Variants in EHMT1 observed in about 807,000 individuals in gnomAD.
EHMT1 encodes histone-lysine N-methyltransferase EHMT1.
Under a neutral mutation model 147.2 loss-of-function variants are expected in EHMT1, and 15 were observed. The ratio of observed to expected loss-of-function variants is 0.10; its 90% CI spans 0.07 to 0.16. EHMT1 has a LOEUF of 0.16. EHMT1 is among the 10% of genes least tolerant of loss of function. The pLI, the probability that EHMT1 is intolerant of heterozygous loss-of-function variation, is 1.00. For synonymous variants in EHMT1, 795 were observed against 709.6 expected (o/e 1.12, Z -1.91); for missense variants, 1,587 against 1,772.4 (o/e 0.90, Z 1.88).
chr9:137,672,932 T>C (rs1940849492), intron 1 of EHMT1, among the ~76,000 whole-genome samples: 1 of 152,224 alleles, frequency 6.6e-6, no homozygotes, highest in South Asian at 2.1e-4. Flanking sequence ...AATTTATTAA[T>C]ATTACTACTA....
At chr9:137,634,642 T>TA (rs1203711723) in intron 1 of EHMT1, among the ~76,000 whole-genome samples, 1 of 151,804 alleles carries the variant, frequency 6.6e-6, no homozygotes, top group Non-Finnish European at 1.5e-5. Flanking sequence ...TTTCTTTTTT[T>TA]TCAAGATTGG....
chr9:137,670,380 C>A (rs1207566520), intron 1 of EHMT1, among the ~76,000 whole-genome samples: 1 of 152,066 alleles, frequency 6.6e-6, no homozygotes, highest in Non-Finnish European at 1.5e-5. Context: ...TTGGCTAGTC[C>A]CCTCTCCTGC....
chr9:137,788,383 G>A, intron 15 of EHMT1: 1 of 323,888 alleles, frequency 3.1e-6, no homozygotes, highest in South Asian at 9.6e-5. Flanking sequence ...GCCTCAGCCG[G>A]GGTGACGCTC....
At position 137,817,465 on chromosome 9, in the gene EHMT1, G is replaced by A. The variant is rs373174786; in HGVS notation, c.3401G>A (p.Arg1134Gln). Residue 1134 changes from arginine (R) to glutamine (Q), a missense_variant, in exon 24 of 27, where the codon CGG (arginine) becomes CAG (glutamine). By Grantham distance (43) the Arg-to-Gln change is conservative. Around this residue, in one of 7 missense-constraint regions of EHMT1, gnomAD observed 156 missense variants for 252.5 expected, o/e 0.62. Transcript: ENST00000460843. ...LRARLQLYRTRDMGWGVRSLQ... is the reference protein window; with the variant it reads ...LRARLQLYRTQDMGWGVRSLQ... ...GCAAGGCTGCAGCTCTACCGGACGC[G>A]GGACATGGGCTGGGGCGTGCGGTCC... The A allele has an allele frequency of 4.2e-5, 68 of 1,614,060 alleles. No individual in the cohort carries two copies. In the Middle Eastern group the frequency reaches 4.9e-4, roughly 12 times the overall value.
intron 1 of EHMT1, chr9:137,676,509 G>A (rs935208817): frequency 6.6e-6 from 1 of 152,360 alleles, no homozygotes; most frequent in Non-Finnish European, 1.5e-5. Flanking sequence ...GGGACTACAG[G>A]TGTGTACCAC....
At chr9:137,820,426 A>G (rs1333451464) in intron 25 of EHMT1, among the ~76,000 whole-genome samples, 2 of 152,256 alleles carry the variant, frequency 1.3e-5, no homozygotes, top group Non-Finnish European at 2.9e-5. Context: ...CGTGTGTGCC[A>G]CAGATGTCGC....
At chr9:137,771,759 C>T (rs1018945600) in intron 10 of EHMT1, among the ~76,000 whole-genome samples, 5 of 152,186 alleles carry the variant, frequency 3.3e-5, no homozygotes, top group Non-Finnish European at 7.4e-5. Flanking sequence ...CTTGCTCGGG[C>T]AGCGTCGGGC....
At chr9:137,762,629 T>C in intron 9 of EHMT1, 46 bp from the exon 10 acceptor site, 2 of 1,613,798 alleles carry the variant, frequency 1.2e-6, no homozygotes, top group Non-Finnish European at 1.7e-6. Flanking sequence ...AGATGTTCTT[T>C]TGAGGTCAGG....
intron 1 of EHMT1, 124 bp downstream of exon 1, chr9:137,619,173 C>CCCG (rs926183718): frequency 1.9e-4 from 31 of 161,216 alleles, no homozygotes; most frequent in Non-Finnish European, 2.8e-4. Context: ...CCCGGGTCCC[C>CCCG]CCGCCGCCGC....
chr9:137,814,830 C>T (rs1201951221), intron 22 of EHMT1: 5 of 513,904 alleles, frequency 9.7e-6, no homozygotes, highest in Middle Eastern at 5.3e-4. Flanking sequence ...ATCTGGTAAG[C>T]TGTGCCTTGT....
At chr9:137,686,117 C>T (rs569169337) in intron 1 of EHMT1, among the ~76,000 whole-genome samples, 4 of 152,150 alleles carry the variant, frequency 2.6e-5, no homozygotes, top group Admixed American at 1.3e-4. Context: ...GGGCCCTTAC[C>T]AGATACATGA....
Position 137,835,005 on chromosome 9 carries a change from A to AT in EHMT1, c.*54dup, listed in dbSNP as rs1291941323. The AT allele has an allele frequency of 1.5e-6, 2 of 1,362,400 alleles. No individual in the cohort carries two copies. Among genetic ancestry groups the AT allele is most frequent in the East Asian group, 6.1e-5 (2 of 32,624 alleles). 84.4% of individuals were successfully genotyped at this position (1,362,400 alleles called of 1,614,324 possible). A position where few individuals can be genotyped will look rare whatever the true frequency, so the allele number is the denominator to read the frequency against. ...GGAGCCAGGGACCGCCGCGTCGCCG[A>AT]TTAGAGGACGAGGAGGAGAGATTCC... On this transcript the variant is annotated 3_prime_UTR_variant, in exon 27 of 27. Coordinates refer to ENST00000460843, the MANE Select transcript of EHMT1 (RefSeq NM_024757.5).
intron 25 of EHMT1, chr9:137,834,096 C>T: frequency 3.5e-6 from 2 of 579,702 alleles, no homozygotes; most frequent in South Asian, 4.0e-5. Flanking sequence ...AGGGAACGGC[C>T]CGCACCACCC....
chr9:137,795,754 G>A (rs947671483), intron 16 of EHMT1, among the ~76,000 whole-genome samples: 10 of 152,118 alleles, frequency 6.6e-5, no homozygotes, highest in Non-Finnish European at 1.5e-4. Flanking sequence ...TGTGAAAGTG[G>A]AATCACACTG....
At chr9:137,689,059 T>G (rs543867535) in intron 1 of EHMT1, among the ~76,000 whole-genome samples, 12 of 152,182 alleles carry the variant, frequency 7.9e-5, no homozygotes, top group African/African-American at 2.9e-4. Flanking sequence ...CAGGAGTGAC[T>G]GTGACTGCTT....
chr9:137,780,057 TGTGTG>T (rs201272010), intron 14 of EHMT1, among the ~76,000 whole-genome samples: 2 of 149,276 alleles, frequency 1.3e-5, no homozygotes, highest in Non-Finnish European at 3.0e-5. Context: ...GACGCTGAGA[TGTGTG>T]GTGATGACGC....
intron 1 of EHMT1, among the ~76,000 whole-genome samples, chr9:137,698,048 AGCGTGTGAGGGCG>A (rs1346096697): frequency 6.6e-6 from 1 of 151,372 alleles, no homozygotes; most frequent in Non-Finnish European, 1.5e-5. Context: ...TCGTGAGGGC[AGCGTGTGAGGGCG>A]GCGTGGCTCG....
intron 18 of EHMT1, 119 bp downstream of exon 18, chr9:137,801,103 C>A: frequency 1.2e-6 from 1 of 858,978 alleles, no homozygotes; most frequent in Non-Finnish European, 1.9e-6. Context: ...TGACCTCTTC[C>A]TGTGGCAGCA....
intron 24 of EHMT1, 40 bp downstream of exon 24, chr9:137,817,565 T>G: frequency 6.2e-7 from 1 of 1,612,964 alleles, no homozygotes; most frequent in Non-Finnish European, 8.5e-7. Context: ...TGGTGTCATT[T>G]CTGGGACGGA....
Sources: gnomAD v4.1 joint callset for allele counts (sites outside exome capture counted in the v4.1 genomes callset) on GRCh38, gnomAD v4.1.1 for gene constraint, gnomAD v4.1.1 regional missense constraint, MANE v1.5 for transcripts, NCBI Gene and HGNC (gene_info 2026-07-23, HGNC 2026-07-21) for gene names.